The following TNFSF18 variants were observed in gnomAD, a reference collection of about 807,000 sequenced individuals.
The protein encoded by TNFSF18 is tumor necrosis factor ligand superfamily member 18.
Under a neutral mutation model 9.6 loss-of-function variants are expected in TNFSF18, and 6 were observed. The ratio of observed to expected loss-of-function variants is 0.63; its 90% CI spans 0.34 to 1.24. The LOEUF is 1.24. Among genes scored for constraint, TNFSF18 ranks in the 50% most tolerant of loss-of-function variants. TNFSF18 has a pLI of 0.03. For missense variants in TNFSF18, 210 were observed against 201.0 expected (o/e 1.04, Z -0.27); for synonymous variants, 68 against 71.7 (o/e 0.95, Z 0.26).
intron 2 of TNFSF18, 106 bp from the exon 3 acceptor site, chr1:173,041,819 T>TAATGATTCGTCG: frequency 4.2e-6 from 4 of 949,776 alleles, no homozygotes; most frequent in Non-Finnish European, 6.0e-6. Context: ...GTTGTTTCTT[T>TAATGATTCGTCG]ACCTGATCTA....
chr1:173,041,346 T>C lies in TNFSF18; in HGVS notation c.*21A>G. 6.4e-7 allele frequency: 1 copy of C among 1,559,258 alleles called. No homozygotes were observed. Among genetic ancestry groups the C allele is most frequent in the Non-Finnish European group, 8.7e-7 (1 of 1,144,200 alleles). On this transcript the variant is annotated 3_prime_UTR_variant, in exon 3 of 3. Coordinates refer to ENST00000404377, the MANE Select transcript of TNFSF18 (RefSeq NM_005092.4). ...GCACCTCTACATGTGCTGAAGGGAATGAGGAGATCAAATCAAGTCTCTAGG... is the reference window on the plus strand; with the variant it reads ...GCACCTCTACATGTGCTGAAGGGAACGAGGAGATCAAATCAAGTCTCTAGG...
chr1:173,040,568 T>C lies in TNFSF18; in HGVS notation c.*799A>G, dbSNP rs1160722645. The stretch of plus-strand genomic sequence containing the variant: ...CAAACTGTGGAAAGCTAGCTAAAAA[T>C]ACTAAATCATTACATGACATAATCC... On this transcript the variant is annotated 3_prime_UTR_variant, in exon 3 of 3. Transcript: ENST00000404377. 6.6e-6 allele frequency: 1 copy of C among 152,154 alleles called. No homozygotes were observed. The highest frequency in any genetic ancestry group is 6.6e-5 in the Admixed American group (1 of 15,246). The allele number at this position is 152,154 out of a possible 1,614,324, so 9.4% of individuals were successfully genotyped here. A position where few individuals can be genotyped will look rare whatever the true frequency, so the allele number is the denominator to read the frequency against.
rs1664978397 is a variant in TNFSF18, at chr1:173,040,928, T to C, written c.*439A>G. 6.5e-6 allele frequency: 1 copy of C among 154,696 alleles called. No individual in the cohort carries two copies. The highest frequency in any genetic ancestry group is 1.9e-4 in the East Asian group (1 of 5,222). 9.6% of individuals were successfully genotyped at this position (154,696 alleles called of 1,614,324 possible). A position where few individuals can be genotyped will look rare whatever the true frequency, so the allele number is the denominator to read the frequency against. On this transcript the variant is annotated 3_prime_UTR_variant, in exon 3 of 3. Transcript: ENST00000404377. ...GTGGCCATCCTATCAGTCTACTTTT[T>C]ATTGGGAGGGTCTCAGAAGATGGGA...
chr1:173,044,785 G>T (rs777417531), intron 1 of TNFSF18, among the ~76,000 whole-genome samples: 1 of 152,154 alleles, frequency 6.6e-6, no homozygotes, highest in Non-Finnish European at 1.5e-5. Flanking sequence ...AGAGGCAAGG[G>T]CAAATGTAGT....
chr1:173,043,174 A>G (rs1665019042), intron 2 of TNFSF18, among the ~76,000 whole-genome samples: 1 of 152,128 alleles, frequency 6.6e-6, no homozygotes, highest in Non-Finnish European at 1.5e-5. Flanking sequence ...AAAACAAAAC[A>G]CAAAGAAAGA....
chr1:173,041,735 A>T, intron 2 of TNFSF18, 22 bp from the exon 3 acceptor site: 1 of 1,523,342 alleles, frequency 6.6e-7, no homozygotes, highest in East Asian at 2.3e-5. Context: ...ATACAAGGAT[A>T]AAAAAGATGA....
Position 173,039,989 on chromosome 1 carries a change from T to C in TNFSF18, c.*1378A>G, listed in dbSNP as rs991094748. 1.3e-5 allele frequency: 2 copies of C among 152,056 alleles called. No individual in the cohort carries two copies. The highest frequency in any genetic ancestry group is 2.4e-5 in the African/African-American group (1 of 41,418). The allele number at this position is 152,056 out of a possible 1,614,324, so 9.4% of individuals were successfully genotyped here. ...TTACATGTAATATTATTTAACATAA[T>C]GCAGCTTTTCACAAATATCCATAAA... On this transcript the variant is annotated 3_prime_UTR_variant, in exon 3 of 3. Transcript: ENST00000404377.
rs61756336 is a variant in TNFSF18, at chr1:173,041,653, G to A, written c.248C>T (p.Ser83Phe). ...CTGAAGTATCTCCAGCTTCCAGTCA[G>A]ACACCTTATTCACGCAAGGAGGTTC... ...SSEPPCVNKV[S>F]DWKLEILQNG... The change falls in exon 3 of 3, where the codon TCT (serine) becomes TTT (phenylalanine). Residue 83 changes from serine to phenylalanine, a missense_variant. Ser to Phe is a radical substitution (Grantham distance 155). Transcript: ENST00000404377. The A allele has an allele frequency of 1.2e-3, 1,906 of 1,613,416 alleles. 2 individuals carry two copies. Among genetic ancestry groups the A allele is most frequent in the Non-Finnish European group, 1.5e-3 (1,783 of 1,179,568 alleles).
intron 1 of TNFSF18, among the ~76,000 whole-genome samples, chr1:173,044,356 T>C (rs1292114079): frequency 1.3e-5 from 2 of 151,572 alleles, no homozygotes; most frequent in African/African-American, 2.4e-5. Flanking sequence ...GAAAGGAAAA[T>C]AGTGAAGCTT....
intron 1 of TNFSF18, among the ~76,000 whole-genome samples, chr1:173,045,130 T>C (rs1557845343): frequency 6.6e-6 from 1 of 152,186 alleles, no homozygotes; most frequent in African/African-American, 2.4e-5. Flanking sequence ...GGCTGAAATT[T>C]AAGGAGCTCT....
intron 2 of TNFSF18, among the ~76,000 whole-genome samples, chr1:173,043,026 C>T (rs1665017372): frequency 6.6e-6 from 1 of 152,136 alleles, no homozygotes; most frequent in South Asian, 2.1e-4. Flanking sequence ...GAAGAAGTGT[C>T]ATTGGTTCTC....
Position 173,050,915 on chromosome 1 carries a change from T to A in TNFSF18, c.-19A>T. The A allele has an allele frequency of 6.2e-7, 1 of 1,613,818 alleles. No homozygotes were observed. The highest frequency in any genetic ancestry group is 8.5e-7 in the Non-Finnish European group (1 of 1,179,770). ...AACACATTTTTGGAGAAATGAGAGC[T>A]GTGGAAAACAAAAATTCACAAGTGA... On this transcript the variant is annotated 5_prime_UTR_variant, in exon 1 of 3. Coordinates refer to ENST00000404377, the MANE Select transcript of TNFSF18 (RefSeq NM_005092.4).
At chr1:173,047,804 G>GA (rs1350417436) in intron 1 of TNFSF18, among the ~76,000 whole-genome samples, 1 of 152,046 alleles carries the variant, frequency 6.6e-6, no homozygotes, top group Non-Finnish European at 1.5e-5. Context: ...CCATCACTGT[G>GA]ATACTCTCTA....
At position 173,041,257 on chromosome 1, in the gene TNFSF18, G is replaced by T; in HGVS notation, c.*110C>A. ...TCACGTGCAGAGGAGTTCTGTTTGTGTTGATTTTTGTAGACAGACAAACTC... is the reference window on the plus strand; with the variant it reads ...TCACGTGCAGAGGAGTTCTGTTTGTTTTGATTTTTGTAGACAGACAAACTC... On this transcript the variant is annotated 3_prime_UTR_variant, in exon 3 of 3. Transcript: ENST00000404377. 1.1e-6 allele frequency: 1 copy of T among 911,634 alleles called. No individual in the cohort carries two copies. The highest frequency in any genetic ancestry group is 1.6e-6 in the Non-Finnish European group (1 of 607,612). 56.5% of individuals were successfully genotyped at this position (911,634 alleles called of 1,614,324 possible).
At chr1:173,047,143 G>T (rs147234516) in intron 1 of TNFSF18, among the ~76,000 whole-genome samples, 91 of 152,114 alleles carry the variant, frequency 6.0e-4, no homozygotes, top group Admixed American at 1.7e-3. Flanking sequence ...CAATCTACCC[G>T]CCTCAGCCTC....
intron 1 of TNFSF18, among the ~76,000 whole-genome samples, chr1:173,046,675 A>G (rs1453201995): frequency 6.6e-6 from 1 of 152,146 alleles, no homozygotes; most frequent in African/African-American, 2.4e-5. Context: ...TACATTGAAT[A>G]TATTATTTGG....
intron 1 of TNFSF18, among the ~76,000 whole-genome samples, chr1:173,048,435 TTAAGTA>T (rs918158157): frequency 1.3e-5 from 2 of 152,174 alleles, no homozygotes; most frequent in African/African-American, 2.4e-5. Context: ...TGCTCTGCTT[TTAAGTA>T]TAAGTACAAC....
In TNFSF18 at chr1:173,050,907, A is replaced by G. The variant is rs1228914606; in HGVS notation, c.-11T>C. 6.2e-7 allele frequency: 1 copy of G among 1,613,740 alleles called. No individual in the cohort carries two copies. The highest frequency in any genetic ancestry group is 1.7e-5 in the Admixed American group (1 of 59,990). ...GTGGCTCAAACACATTTTTGGAGAA[A>G]TGAGAGCTGTGGAAAACAAAAATTC... On this transcript the variant is annotated 5_prime_UTR_variant, in exon 1 of 3. Coordinates refer to ENST00000404377, the MANE Select transcript of TNFSF18 (RefSeq NM_005092.4).
Position 173,041,111 on chromosome 1 carries a change from A to C in TNFSF18, c.*256T>G, listed in dbSNP as rs1664982855. ...ATTAGATAAAGATTCTTTGAAAAGC[A>C]CATGTCCTCTGTCATCCATATTTGT... is the stretch of plus-strand genomic sequence containing the variant. On this transcript the variant is annotated 3_prime_UTR_variant, in exon 3 of 3. Transcript: ENST00000404377. The C allele has an allele frequency of 1.4e-5, 5 of 346,442 alleles. No homozygotes were observed. Among genetic ancestry groups the C allele is most frequent in the Non-Finnish European group, 2.1e-5 (4 of 192,954 alleles). The allele number at this position is 346,442 out of a possible 1,614,324, so 21.5% of individuals were successfully genotyped here.
Sources: gnomAD v4.1 joint callset for allele counts (sites outside exome capture counted in the v4.1 genomes callset) on GRCh38, gnomAD v4.1.1 for gene constraint, MANE v1.5 for transcripts, NCBI Gene and HGNC (gene_info 2026-07-23, HGNC 2026-07-21) for gene names.